ITGAV: variants seen among roughly 807,000 people sequenced by gnomAD.
ITGAV encodes the protein integrin alpha-V.
A neutral mutation model predicts 143.8 loss-of-function variants in ITGAV; 76 were observed. The ratio of observed to expected loss-of-function variants is 0.53; its 90% CI spans 0.44 to 0.64. The LOEUF (loss-of-function observed/expected upper bound fraction) is 0.64, where lower values mean the gene tolerates loss of function less well. ITGAV is among the 30% of genes least tolerant of loss of function. The pLI is 0.00. For missense variants in ITGAV, 1,193 were observed against 1,274.7 expected, an observed-to-expected ratio of 0.94 and a Z score of 0.98; for synonymous variants, 453 against 446.7, an observed-to-expected ratio of 1.01 and a Z score of -0.18.
At chr2:186,636,268 T>C in intron 7 of ITGAV, 61 bp downstream of exon 7, 2 of 1,319,418 alleles carry the variant, frequency 1.5e-6, no homozygotes, top group Non-Finnish European at 2.1e-6. Context: ...TATATCTGAG[T>C]ATGGTCTTTT....
intron 2 of ITGAV, among the ~76,000 whole-genome samples, chr2:186,611,932 A>G (rs556726654): frequency 1.3e-5 from 2 of 152,166 alleles, no homozygotes; most frequent in Admixed American, 1.3e-4. Flanking sequence ...GGTAATGTCT[A>G]TGAAGGTATT....
At chr2:186,638,213 T>C in intron 8 of ITGAV, 64 bp from the exon 9 acceptor site, 6 of 1,436,260 alleles carry the variant, frequency 4.2e-6, no homozygotes, top group Non-Finnish European at 5.9e-6. Flanking sequence ...ACATAGTCAC[T>C]TCTGGTCTGC....
chr2:186,623,254 T>C (rs1040655496), intron 3 of ITGAV, among the ~76,000 whole-genome samples: 2 of 152,212 alleles, frequency 1.3e-5, no homozygotes, highest in Non-Finnish European at 2.9e-5. Flanking sequence ...TTTATACATA[T>C]GTGCATACAT....
intron 1 of ITGAV, among the ~76,000 whole-genome samples, chr2:186,599,342 G>A (rs1686833530): frequency 6.6e-6 from 1 of 151,780 alleles, no homozygotes; most frequent in South Asian, 2.1e-4. Flanking sequence ...CTCCTCTTTC[G>A]ACGCTTCCCC....
chr2:186,642,278 T>C (rs1353264004), intron 12 of ITGAV, among the ~76,000 whole-genome samples: 2 of 152,172 alleles, frequency 1.3e-5, no homozygotes, highest in African/African-American at 2.4e-5. Context: ...ACAGAATGGA[T>C]AGTTGAACTA....
intron 4 of ITGAV, 30 bp downstream of exon 4, chr2:186,625,617 A>G (rs201430262): frequency 4.1e-6 from 6 of 1,474,612 alleles, no homozygotes; most frequent in Non-Finnish European, 5.7e-6. Context: ...CCAGCTTTTA[A>G]GAAGAGGGGT....
intron 2 of ITGAV, among the ~76,000 whole-genome samples, chr2:186,606,296 G>A (rs1378408561): frequency 6.6e-6 from 1 of 152,108 alleles, no homozygotes; most frequent in Non-Finnish European, 1.5e-5. Flanking sequence ...GTTTCTGAAG[G>A]CAGCCTCCCT....
Position 186,677,555 on chromosome 2 carries a change from A to G in ITGAV, c.*263A>G, listed in dbSNP as rs200129983. 1.6e-3 allele frequency: 505 copies of G among 310,202 alleles called. 7 individuals carry two copies. The highest frequency in any genetic ancestry group is 0.015 in the South Asian group (316 of 20,894). 19.2% of individuals were successfully genotyped at this position (310,202 alleles called of 1,614,324 possible). ...GGGATAGTTTTTATTCAATGTATAT[A>G]AGACAGGTAGTGCCTGATTTACTAC... On this transcript the variant is annotated 3_prime_UTR_variant, in exon 30 of 30. Transcript: ENST00000261023.
At position 186,677,261 on chromosome 2, in the gene ITGAV, A is replaced by G. The variant is rs201434983; in HGVS notation, c.3116A>G (p.His1039Arg). The change falls in exon 30 of 30, where the codon CAT (histidine) becomes CGT (arginine). Residue 1039 changes from histidine to arginine, a missense_variant. Coordinates refer to ENST00000261023, the MANE Select transcript of ITGAV (RefSeq NM_002210.5). The part of the protein sequence containing the change: ...EEQEREQLQP[H>R]ENGEGNSET ...CAAGAAAGGGAGCAGCTTCAACCTC[A>G]TGAAAATGGTGAAGGAAACTCAGAA... 188 of 1,613,172 alleles carry G rather than the reference A, an allele frequency of 1.2e-4. No homozygotes were observed. Among genetic ancestry groups the G allele is most frequent in the Admixed American group, 1.0e-4 (6 of 59,954 alleles).
intron 2 of ITGAV, among the ~76,000 whole-genome samples, chr2:186,616,850 C>T (rs1258727815): frequency 6.6e-6 from 1 of 151,742 alleles, no homozygotes; most frequent in Non-Finnish European, 1.5e-5. Flanking sequence ...ATTTCTTCCA[C>T]TAACCTGTCC....
chr2:186,661,753 C>T (rs989120726), intron 18 of ITGAV, among the ~76,000 whole-genome samples: 3 of 151,870 alleles, frequency 2.0e-5, no homozygotes, highest in Non-Finnish European at 2.9e-5. Flanking sequence ...CCCACCACCA[C>T]GCCCGGCTAA....
chr2:186,670,073 C>A, intron 26 of ITGAV: 1 of 400,970 alleles, frequency 2.5e-6, no homozygotes, highest in Non-Finnish European at 4.5e-6. Context: ...CTTTAACTGT[C>A]CTCTTTCTGG....
intron 1 of ITGAV, among the ~76,000 whole-genome samples, chr2:186,597,716 C>T (rs1383746594): frequency 6.6e-6 from 1 of 152,194 alleles, no homozygotes; most frequent in Non-Finnish European, 1.5e-5. Context: ...GGAGAGTGAG[C>T]ATTACCACCT....
intron 29 of ITGAV, 33 bp downstream of exon 29, chr2:186,676,968 G>A: frequency 1.3e-6 from 2 of 1,598,714 alleles, no homozygotes; most frequent in Non-Finnish European, 1.7e-6. Flanking sequence ...AGGAGAGAGG[G>A]AAAGCAGAAG....
intron 14 of ITGAV, among the ~76,000 whole-genome samples, chr2:186,651,574 T>C (rs959553663): frequency 3.9e-5 from 6 of 152,192 alleles, no homozygotes; most frequent in Non-Finnish European, 8.8e-5. Flanking sequence ...CTTTGTACTT[T>C]TTGGGTTTTT....
At chr2:186,676,218 G>A in intron 28 of ITGAV, 3 of 248,456 alleles carry the variant, frequency 1.2e-5, no homozygotes, top group Admixed American at 5.2e-5. Context: ...TTAGAAAGTT[G>A]GAAATTAACT....
chr2:186,623,742 A>G (rs1240073288), intron 3 of ITGAV, among the ~76,000 whole-genome samples: 1 of 152,138 alleles, frequency 6.6e-6, no homozygotes, highest in Non-Finnish European at 1.5e-5. Context: ...TATATTTCCC[A>G]ATTTTTTAGG....
At chr2:186,629,454 A>G (rs1489353831) in intron 4 of ITGAV, among the ~76,000 whole-genome samples, 1 of 152,088 alleles carries the variant, frequency 6.6e-6, no homozygotes, top group African/African-American at 2.4e-5. Flanking sequence ...AGGTTAGAGC[A>G]GAATTCCTTA....
rs1689259917 is a variant in ITGAV, at chr2:186,677,944, T to C, written c.*652T>C. 6.6e-6 allele frequency: 1 copy of C among 152,452 alleles called. No homozygotes were observed. The highest frequency in any genetic ancestry group is 2.4e-5 in the African/African-American group (1 of 41,446). 9.4% of individuals were successfully genotyped at this position (152,452 alleles called of 1,614,324 possible). A position where few individuals can be genotyped will look rare whatever the true frequency, so the allele number is the denominator to read the frequency against. On this transcript the variant is annotated 3_prime_UTR_variant, in exon 30 of 30. Coordinates refer to ENST00000261023, the MANE Select transcript of ITGAV (RefSeq NM_002210.5). ...ACTTCTGTTTATATTAAATCCACAA[T>C]ATTTTATTACATTTTTAACTTGTAT...
Sources: gnomAD v4.1 joint callset for allele counts (sites outside exome capture counted in the v4.1 genomes callset) on GRCh38, gnomAD v4.1.1 for gene constraint, MANE v1.5 for transcripts, NCBI Gene and HGNC (gene_info 2026-07-23, HGNC 2026-07-21) for gene names.